CD200R1L: variants seen among roughly 807,000 people sequenced by gnomAD.
CD200R1L encodes cell surface glycoprotein CD200 receptor 2.
A neutral mutation model predicts 24.8 loss-of-function variants in CD200R1L; 14 were observed. That is an observed-to-expected ratio of 0.56 (90% CI 0.37 to 0.88). CD200R1L has a LOEUF of 0.88. Among genes scored for constraint, CD200R1L ranks in the 40% least tolerant of loss-of-function variants. The probability of loss-of-function intolerance (pLI) is 0.00; values close to 1 mark genes in which losing one functional copy is unlikely to be tolerated. For missense variants in CD200R1L, 299 were observed against 297.8 expected (o/e 1.00, Z -0.03); for synonymous variants, 111 against 109.2 (o/e 1.02, Z -0.11).
chr3:112,821,805 T>TTA (rs1439808902), intron 6 of CD200R1L, among the ~76,000 whole-genome samples: 1 of 152,204 alleles, frequency 6.6e-6, no homozygotes. Flanking sequence ...ACATTACAGA[T>TTA]TATAAATCAT....
At chr3:112,821,766 T>A (rs1442011603) in intron 6 of CD200R1L, among the ~76,000 whole-genome samples, 1 of 152,250 alleles carries the variant, frequency 6.6e-6, no homozygotes, top group East Asian at 1.9e-4. Flanking sequence ...TTTAGTTAAA[T>A]GTACAAGAGA....
chr3:112,845,733 A>G lies in CD200R1L; in HGVS notation c.-141T>C. The stretch of plus-strand genomic sequence containing the variant: ...AATCTTGGAGCTGACATCTTCCCTA[A>G]AGTATGCTTTTGGAGTGGTTTTCTA... On this transcript the variant is annotated 5_prime_UTR_variant, in exon 2 of 8. Coordinates refer to ENST00000488794, the MANE Select transcript of CD200R1L (RefSeq NM_001199215.3). 1 of 1,612,000 alleles carries G rather than the reference A, an allele frequency of 6.2e-7. No homozygotes were observed. Among genetic ancestry groups the G allele is most frequent in the South Asian group, 1.1e-5 (1 of 90,932 alleles).
At chr3:112,832,962 G>A (rs573178198) in intron 3 of CD200R1L, among the ~76,000 whole-genome samples, 1 of 152,222 alleles carries the variant, frequency 6.6e-6, no homozygotes, top group South Asian at 2.1e-4. Flanking sequence ...TGAGCAAAAA[G>A]TGAGAGTTAT....
At chr3:112,836,575 C>T (rs1396211530) in intron 3 of CD200R1L, among the ~76,000 whole-genome samples, 1 of 152,188 alleles carries the variant, frequency 6.6e-6, no homozygotes, top group African/African-American at 2.4e-5. Flanking sequence ...GTGGATGTAT[C>T]CTTGATCCTA....
chr3:112,816,348 C>G (rs989144161), intron 7 of CD200R1L, among the ~76,000 whole-genome samples: 1 of 152,186 alleles, frequency 6.6e-6, no homozygotes, highest in African/African-American at 2.4e-5. Flanking sequence ...ACATGGTTCT[C>G]ATCCTCCATC....
chr3:112,837,207 G>C (rs1309041480), intron 3 of CD200R1L, among the ~76,000 whole-genome samples: 1 of 151,862 alleles, frequency 6.6e-6, no homozygotes, highest in Non-Finnish European at 1.5e-5. Context: ...CTTGATATTT[G>C]TTGTTAATTG....
At position 112,845,694 on chromosome 3, in the gene CD200R1L, T is replaced by G; in HGVS notation, c.-102A>C. The G allele has an allele frequency of 6.2e-7, 1 of 1,613,500 alleles. No individual in the cohort carries two copies. Among genetic ancestry groups the G allele is most frequent in the Non-Finnish European group, 8.5e-7 (1 of 1,179,622 alleles). ...TCAGACTTACCAGACACCATGATAA[T>G]GATGGAAATCAGTAATCTTGGAGCT... On this transcript the variant is annotated 5_prime_UTR_variant, in exon 2 of 8. Transcript: ENST00000488794.
chr3:112,841,966 G>T (rs1461818010), intron 2 of CD200R1L, among the ~76,000 whole-genome samples: 1 of 152,226 alleles, frequency 6.6e-6, no homozygotes, highest in Non-Finnish European at 1.5e-5. Context: ...TGGCATAGTA[G>T]TTGGGCATCC....
At chr3:112,842,171 G>C (rs142549831) in intron 2 of CD200R1L, among the ~76,000 whole-genome samples, 25 of 152,196 alleles carry the variant, frequency 1.6e-4, no homozygotes, top group Non-Finnish European at 4.4e-5. Context: ...GAGCACACAA[G>C]CTGGGTGGTC....
chr3:112,820,950 G>A (rs13064496), intron 6 of CD200R1L, among the ~76,000 whole-genome samples: 93,420 of 150,932 alleles, frequency 0.62, 31,381 homozygotes, highest in Non-Finnish European at 0.75. Flanking sequence ...TCAGCTACTC[G>A]GGAGGCGGAG....
chr3:112,843,618 A>G (rs1002001437), intron 2 of CD200R1L, among the ~76,000 whole-genome samples: 3 of 152,248 alleles, frequency 2.0e-5, no homozygotes, highest in Admixed American at 6.5e-5. Context: ...CACACTTAAG[A>G]CATAGCCCTA....
In CD200R1L at chr3:112,823,832, G is replaced by A. The variant is rs114829138; in HGVS notation, c.616+3161C>T. On this transcript the variant is annotated intron_variant, in intron 6 of 7. Coordinates refer to ENST00000488794, the MANE Select transcript of CD200R1L (RefSeq NM_001199215.3). Reference sequence around the variant, plus strand: ...AGAGGTAGAAATTGCATGTAAAAGGGAACAGAGGAATACAAGCACTTAACA... The same window carrying A: ...AGAGGTAGAAATTGCATGTAAAAGGAAACAGAGGAATACAAGCACTTAACA... Among the ~76,000 whole-genome samples, 1,236 of 152,242 alleles carry A rather than the reference G, an allele frequency of 8.1e-3. 18 individuals are homozygous for A. The highest frequency in any genetic ancestry group is 0.028 in the African/African-American group (1,166 of 41,536).
At position 112,823,008 on chromosome 3, in the gene CD200R1L, A is replaced by G. The variant is rs532558010; in HGVS notation, c.617-3113T>C. Among the ~76,000 whole-genome samples the G allele has an allele frequency of 2.7e-3, 415 of 152,340 alleles. 2 individuals carry two copies. The highest frequency in any genetic ancestry group is 9.6e-3 in the African/African-American group (398 of 41,554). On this transcript the variant is annotated intron_variant, in intron 6 of 7. Transcript: ENST00000488794. ...TTGCCTAACATGAAATGTTAACTGTACTCTTAAAATTGGAAAGGAAATGAA... is the reference window on the plus strand; with the variant it reads ...TTGCCTAACATGAAATGTTAACTGTGCTCTTAAAATTGGAAAGGAAATGAA...
chr3:112,836,336 T>C (rs564009262), intron 3 of CD200R1L, among the ~76,000 whole-genome samples: 2 of 152,294 alleles, frequency 1.3e-5, no homozygotes, highest in African/African-American at 4.8e-5. Flanking sequence ...GAATAGGACA[T>C]CAATAGGCAG....
chr3:112,827,098 C>G lies in CD200R1L; in HGVS notation c.511G>C (p.Val171Leu). 1 of 1,613,460 alleles carries G rather than the reference C, an allele frequency of 6.2e-7. No individual in the cohort carries two copies. Among genetic ancestry groups the G allele is most frequent in the African/African-American group, 1.3e-5 (1 of 75,040 alleles). Residue 171 changes from valine (V) to leucine (L), a missense_variant, in exon 6 of 8, where the codon GTG (valine) becomes CTG (leucine). Val to Leu is a conservative substitution (Grantham distance 32). Transcript: ENST00000488794. ...CAGGGGCATGTACTCTTAACCGTCA[C>G]TGTGCCATTGCCCCAGTATTCTTGC... Reference protein sequence around the residue: ...TKQEYWGNGTVTVKSTCPWEG... With the variant: ...TKQEYWGNGTLTVKSTCPWEG...
chr3:112,839,464 G>C (rs1333132912), intron 2 of CD200R1L, among the ~76,000 whole-genome samples: 1 of 152,156 alleles, frequency 6.6e-6, no homozygotes, highest in Admixed American at 6.5e-5. Flanking sequence ...TGCCCAAATG[G>C]ATAAAGAAAA....
intron 7 of CD200R1L, among the ~76,000 whole-genome samples, chr3:112,819,151 G>A (rs1290878018): frequency 2.0e-5 from 3 of 152,002 alleles, no homozygotes; most frequent in African/African-American, 4.8e-5. Context: ...GAACATCATG[G>A]GGGAAACCAC....
rs755865069 is a variant in CD200R1L at position 112,819,769 on chromosome 3, T to C, written c.740+3A>G. On this transcript the variant is annotated splice_donor_region_variant and intron_variant, in intron 7 of 7. Coordinates refer to ENST00000488794, the MANE Select transcript of CD200R1L (RefSeq NM_001199215.3). ...CTTATGCTTTTCAGTCTTCAGTTCC[T>C]ACCTGACATGATTTATCCTCTGGAA... The C allele has an allele frequency of 1.3e-6, 2 of 1,597,256 alleles. No individual in the cohort carries two copies. Among genetic ancestry groups the C allele is most frequent in the Admixed American group, 1.8e-5 (1 of 55,138 alleles).
intron 2 of CD200R1L, 42 bp from the exon 3 acceptor site, chr3:112,838,052 C>A (rs752826811): frequency 3.4e-6 from 3 of 872,888 alleles, no homozygotes; most frequent in Non-Finnish European, 4.7e-6. Flanking sequence ...AAATTAAGAA[C>A]TTTTCTTTAC....
Sources: gnomAD v4.1 joint callset for allele counts (sites outside exome capture counted in the v4.1 genomes callset) on GRCh38, gnomAD v4.1.1 for gene constraint, MANE v1.5 for transcripts, NCBI Gene and HGNC (gene_info 2026-07-23, HGNC 2026-07-21) for gene names.